ANKS1B: variants seen among roughly 807,000 people sequenced by gnomAD.
ANKS1B encodes ankyrin repeat and sterile alpha motif domain-containing protein 1B.
Under a neutral mutation model 148.3 loss-of-function variants are expected in ANKS1B, and 36 were observed. That is an observed-to-expected ratio of 0.24 (90% confidence interval 0.19 to 0.32). The LOEUF (loss-of-function observed/expected upper bound fraction) is 0.32. Among genes scored for constraint, ANKS1B ranks in the 10% least tolerant of loss-of-function variants. ANKS1B has a pLI of 1.00. For missense variants in ANKS1B, 1,157 were observed against 1,542.6 expected, an observed-to-expected ratio of 0.75 and a Z score of 4.19; for synonymous variants, 542 against 560.8, an observed-to-expected ratio of 0.97 and a Z score of 0.47.
chr12:99,277,848 A>G (rs997520067), intron 12 of ANKS1B, among the ~76,000 whole-genome samples: 3 of 152,228 alleles, frequency 2.0e-5, no homozygotes, highest in African/African-American at 7.2e-5. Flanking sequence ...GTATTGCCCC[A>G]TAGACTATTC....
At chr12:98,967,198 C>A (rs1400114376) in intron 17 of ANKS1B, among the ~76,000 whole-genome samples, 3 of 152,020 alleles carry the variant, frequency 2.0e-5, no homozygotes, top group East Asian at 1.9e-4. Flanking sequence ...AGTCAAATAT[C>A]AAAAAAATGG....
downstream of ANKS1B, among the ~76,000 whole-genome samples, chr12:98,740,571 C>T (rs768181614): frequency 6.6e-6 from 1 of 152,208 alleles, no homozygotes; most frequent in African/African-American, 2.4e-5. Flanking sequence ...ACTGCTTTCT[C>T]TGTTCAAGTG....
intron 1 of ANKS1B, among the ~76,000 whole-genome samples, chr12:99,893,668 T>C (rs1278177461): frequency 6.6e-6 from 1 of 152,330 alleles, no homozygotes; most frequent in South Asian, 2.1e-4. Flanking sequence ...AAAAATGGTG[T>C]CTATTGTTCC....
intron 12 of ANKS1B, among the ~76,000 whole-genome samples, chr12:99,387,667 G>C (rs1355158319): frequency 6.6e-6 from 1 of 152,016 alleles, no homozygotes; most frequent in African/African-American, 2.4e-5. Flanking sequence ...TGAGAACACA[G>C]AGAAAATGCT....
chr12:99,781,310 T>C (rs2064301220), intron 5 of ANKS1B, among the ~76,000 whole-genome samples: 1 of 150,862 alleles, frequency 6.6e-6, no homozygotes, highest in Admixed American at 6.6e-5. Context: ...ATGTTTTTCA[T>C]TTTTTTTTAC....
chr12:99,979,358 C>A (rs2095665761), intron 1 of ANKS1B, among the ~76,000 whole-genome samples: 2 of 152,088 alleles, frequency 1.3e-5, no homozygotes, highest in Non-Finnish European at 2.9e-5. Context: ...TCAGTTCTGG[C>A]AGAGTAAAAG....
intron 1 of ANKS1B, among the ~76,000 whole-genome samples, chr12:99,875,235 T>C (rs2091940592): frequency 6.6e-6 from 1 of 152,182 alleles, no homozygotes; most frequent in South Asian, 2.1e-4. Flanking sequence ...GGGATTTGGT[T>C]AAACATTTAA....
chr12:98,935,040 C>G (rs2099817190), intron 17 of ANKS1B, among the ~76,000 whole-genome samples: 1 of 152,096 alleles, frequency 6.6e-6, no homozygotes. Context: ...AGTAGGCATT[C>G]TTGCCTTGAC....
At chr12:98,839,717 C>T (rs747885457) in intron 17 of ANKS1B, among the ~76,000 whole-genome samples, 3 of 152,142 alleles carry the variant, frequency 2.0e-5, no homozygotes, top group African/African-American at 7.2e-5. Flanking sequence ...TTTCTTTGCT[C>T]CATGTATACA....
At chr12:99,387,105 A>G (rs1353616087) in intron 12 of ANKS1B, among the ~76,000 whole-genome samples, 2 of 152,212 alleles carry the variant, frequency 1.3e-5, no homozygotes, top group Non-Finnish European at 2.9e-5. Flanking sequence ...CAATAGTCGA[A>G]GCATGTGAAG....
intron 9 of ANKS1B, among the ~76,000 whole-genome samples, chr12:99,558,059 T>C (rs1452537843): frequency 6.6e-6 from 1 of 152,178 alleles, no homozygotes; most frequent in Non-Finnish European, 1.5e-5. Flanking sequence ...CTTAGACTGC[T>C]AGCCACAACG....
intron 17 of ANKS1B, chr12:98,976,631 T>A (rs1426598939): frequency 6.6e-6 from 1 of 152,036 alleles, no homozygotes; most frequent in Admixed American, 6.6e-5. Context: ...AAAAATTATA[T>A]AAAGAAGAGC....
In ANKS1B at chr12:99,696,982, C is replaced by T. The variant is rs12229766; in HGVS notation, c.1129-41772G>A. ...TGCCAAATAATTGCATGAAAAGATG[C>T]GAATACCATATGTCACTAGAGAACT... is the stretch of plus-strand genomic sequence containing the variant. On this transcript the variant is annotated intron_variant, in intron 8 of 26. Transcript: ENST00000683438. Among the ~76,000 whole-genome samples, 968 of 152,224 alleles carry T rather than the reference C, an allele frequency of 6.4e-3. 20 individuals carry two copies. The East Asian group carries it at 0.089, about 14-fold the overall frequency.
intron 12 of ANKS1B, among the ~76,000 whole-genome samples, chr12:99,355,039 C>T (rs1592952768): frequency 6.6e-6 from 1 of 152,072 alleles, no homozygotes; most frequent in East Asian, 1.9e-4. Flanking sequence ...AGTATGATAT[C>T]TAATACTTAT....
At chr12:99,880,370 C>G (rs2092402936) in intron 1 of ANKS1B, among the ~76,000 whole-genome samples, 1 of 152,186 alleles carries the variant, frequency 6.6e-6, no homozygotes, top group Non-Finnish European at 1.5e-5. Context: ...GGGATTCAAT[C>G]TGAAGAAATC....
intron 9 of ANKS1B, among the ~76,000 whole-genome samples, chr12:99,540,740 TAGAA>T (rs2097117199): frequency 6.6e-6 from 1 of 150,768 alleles, no homozygotes. Flanking sequence ...ATTAAGAAAC[TAGAA>T]AGAAATATAA....
chr12:98,992,692 C>T (rs764002181), intron 17 of ANKS1B, among the ~76,000 whole-genome samples: 24 of 152,174 alleles, frequency 1.6e-4, no homozygotes, highest in Non-Finnish European at 2.9e-4. Context: ...GAATGGACTA[C>T]TACACCCTCC....
At chr12:98,937,818 T>C (rs1252343009) in intron 17 of ANKS1B, among the ~76,000 whole-genome samples, 1 of 152,108 alleles carries the variant, frequency 6.6e-6, no homozygotes, top group Non-Finnish European at 1.5e-5. Flanking sequence ...AAGTTCCAAA[T>C]GGCTGGGGAG....
At chr12:98,929,532 A>T (rs1249511247) in intron 17 of ANKS1B, among the ~76,000 whole-genome samples, 3 of 152,274 alleles carry the variant, frequency 2.0e-5, no homozygotes, top group Non-Finnish European at 2.9e-5. Flanking sequence ...AAAACCTGAT[A>T]CAAAGCTACA....
Sources: gnomAD v4.1 joint callset for allele counts (sites outside exome capture counted in the v4.1 genomes callset) on GRCh38, gnomAD v4.1.1 for gene constraint, MANE v1.5 for transcripts, NCBI Gene and HGNC (gene_info 2026-07-23, HGNC 2026-07-21) for gene names.